Variants in HTR1E observed in about 807,000 individuals in gnomAD.
The protein encoded by HTR1E is 5-hydroxytryptamine receptor 1E.
In HTR1E, 3 loss-of-function variants were observed where a neutral mutation model predicts 3.4. The ratio of observed to expected loss-of-function variants is 0.89; its 90% CI spans 0.41 to 2.31. The LOEUF (loss-of-function observed/expected upper bound fraction) is 2.31, where lower values mean the gene tolerates loss of function less well. Among genes scored for constraint, HTR1E ranks in the 30% most tolerant of loss-of-function variants. The probability of loss-of-function intolerance (pLI) is 0.05; values close to 1 mark genes in which losing one functional copy is unlikely to be tolerated. For synonymous variants in HTR1E, 170 were observed against 182.8 expected (o/e 0.93, Z 0.56); for missense variants, 392 against 467.0 (o/e 0.84, Z 1.48).
intron 1 of HTR1E, among the ~76,000 whole-genome samples, chr6:86,994,968 C>G (rs544043953): frequency 6.6e-6 from 1 of 152,106 alleles, no homozygotes; most frequent in African/African-American, 2.4e-5. Flanking sequence ...TAAAAGAGCT[C>G]TACAAAGAGG....
chr6:87,001,361 T>C (rs902232781), intron 1 of HTR1E, among the ~76,000 whole-genome samples: 9 of 151,952 alleles, frequency 5.9e-5, no homozygotes, highest in Non-Finnish European at 1.0e-4. Flanking sequence ...TCAAAAGACA[T>C]AGAGTAGGTG....
chr6:87,013,730 G>A (rs914800560), intron 1 of HTR1E, among the ~76,000 whole-genome samples: 1 of 151,748 alleles, frequency 6.6e-6, no homozygotes, highest in Non-Finnish European at 1.5e-5. Context: ...GAAATTAATT[G>A]GGGTGGCAAA....
intron 1 of HTR1E, among the ~76,000 whole-genome samples, chr6:86,989,058 C>T (rs888879734): frequency 2.6e-5 from 4 of 152,124 alleles, no homozygotes; most frequent in African/African-American, 9.7e-5. Flanking sequence ...AATATAATTT[C>T]CCCCAAACTA....
intron 1 of HTR1E, among the ~76,000 whole-genome samples, chr6:86,975,121 G>A (rs1265550685): frequency 6.6e-6 from 1 of 152,156 alleles, no homozygotes; most frequent in Non-Finnish European, 1.5e-5. Flanking sequence ...TCATGGGAAT[G>A]TATGGAAGTG....
intron 1 of HTR1E, among the ~76,000 whole-genome samples, chr6:86,979,994 A>G (rs1767688481): frequency 6.6e-6 from 1 of 152,110 alleles, no homozygotes; most frequent in Non-Finnish European, 1.5e-5. Context: ...TCTCCCCATA[A>G]TCTGACCGCC....
In HTR1E at chr6:86,948,000, G is replaced by A. The variant is rs547779353; in HGVS notation, c.-186+10177G>A. 4.6e-5 allele frequency among the ~76,000 whole-genome samples: 7 copies of A among 152,170 alleles called. No homozygotes were observed. The East Asian group carries it at 7.7e-4, about 17-fold the overall frequency. ...CATCTAGGTTTTAAGCCCTGCATGC[G>A]TTAGGTATTTGTCCTAATGCTCACC... On this transcript the variant is annotated intron_variant, in intron 1 of 1. Coordinates refer to ENST00000305344, the MANE Select transcript of HTR1E (RefSeq NM_000865.3).
At chr6:86,991,193 C>G (rs1211352270) in intron 1 of HTR1E, among the ~76,000 whole-genome samples, 1 of 152,072 alleles carries the variant, frequency 6.6e-6, no homozygotes, top group African/African-American at 2.4e-5. Context: ...ATTAGAAAGT[C>G]ACAGACCAGA....
chr6:87,007,338 A>T (rs529900734), intron 1 of HTR1E, among the ~76,000 whole-genome samples: 5 of 152,294 alleles, frequency 3.3e-5, no homozygotes, highest in Admixed American at 2.0e-4. Context: ...GGGTAGTTGC[A>T]GGGGGTGGAG....
At chr6:86,963,419 TAA>T (rs1767434710) in intron 1 of HTR1E, among the ~76,000 whole-genome samples, 1 of 152,190 alleles carries the variant, frequency 6.6e-6, no homozygotes, top group African/African-American at 2.4e-5. Context: ...TACAATGAGC[TAA>T]GTTTAATTTA....
intron 1 of HTR1E, among the ~76,000 whole-genome samples, chr6:86,960,964 G>A (rs1345517871): frequency 3.3e-5 from 5 of 152,170 alleles, no homozygotes; most frequent in Non-Finnish European, 2.9e-5. Context: ...TAGTGTGTCT[G>A]AATACAGATT....
intron 1 of HTR1E, among the ~76,000 whole-genome samples, chr6:86,952,055 A>G (rs1019924373): frequency 8.5e-5 from 13 of 152,194 alleles, no homozygotes; most frequent in Non-Finnish European, 1.9e-4. Context: ...CTTAATCATG[A>G]AGGGAATTTG....
chr6:86,984,339 T>C (rs1767753369), intron 1 of HTR1E, among the ~76,000 whole-genome samples: 1 of 152,196 alleles, frequency 6.6e-6, no homozygotes, highest in African/African-American at 2.4e-5. Flanking sequence ...AATGAATACA[T>C]AGATTTAAAC....
chr6:87,011,077 G>C (rs1485057932), intron 1 of HTR1E, among the ~76,000 whole-genome samples: 2 of 152,194 alleles, frequency 1.3e-5, no homozygotes, highest in Admixed American at 1.3e-4. Context: ...ACTTTAGACA[G>C]CTTCAACTCC....
chr6:86,972,298 A>C lies in HTR1E; in HGVS notation c.-186+34475A>C, dbSNP rs75720882. ...CTTTATGCATTTTTTCATCCCTTACATTCTTAGCTATGCAGGGGTTAAAGG... is the reference window on the plus strand; with the variant it reads ...CTTTATGCATTTTTTCATCCCTTACCTTCTTAGCTATGCAGGGGTTAAAGG... On this transcript the variant is annotated intron_variant, in intron 1 of 1. Coordinates refer to ENST00000305344, the MANE Select transcript of HTR1E (RefSeq NM_000865.3). Among the ~76,000 whole-genome samples the C allele has an allele frequency of 3.8e-3, 585 of 152,244 alleles. 3 individuals carry two copies. The highest frequency in any genetic ancestry group is 0.013 in the African/African-American group (560 of 41,544).
chr6:87,015,839 C>T lies in HTR1E; in HGVS notation c.505C>T (p.Pro169Ser). 1 of 1,613,728 alleles carries T rather than the reference C, an allele frequency of 6.2e-7. No homozygotes were observed. Among genetic ancestry groups the T allele is most frequent in the Admixed American group, 1.7e-5 (1 of 60,000 alleles). ...FWRSHRRLSP[P>S]PSQCTIQHDH... Reference sequence around the variant, plus strand: ...GAGAAGCCACCGCCGCCTAAGCCCTCCCCCTAGTCAGTGCACCATCCAGCA... The same window carrying T: ...GAGAAGCCACCGCCGCCTAAGCCCTTCCCCTAGTCAGTGCACCATCCAGCA... Residue 169 changes from proline (P) to serine (S), a missense_variant, in exon 2 of 2, where the codon CCC becomes TCC. Pro to Ser is a moderately conservative substitution (Grantham distance 74). This residue lies in a region of HTR1E where 189 missense variants were observed against 258.0 expected (regional missense o/e 0.73). Transcript: ENST00000305344.
At chr6:86,972,165 A>G (rs1410050938) in intron 1 of HTR1E, among the ~76,000 whole-genome samples, 2 of 152,202 alleles carry the variant, frequency 1.3e-5, no homozygotes, top group Non-Finnish European at 2.9e-5. Flanking sequence ...GAATATTCTC[A>G]TGTTTCAATT....
At chr6:86,940,545 AAAG>A (rs1465436644) in intron 1 of HTR1E, among the ~76,000 whole-genome samples, 4 of 152,180 alleles carry the variant, frequency 2.6e-5, no homozygotes, top group African/African-American at 9.7e-5. Context: ...CAAAAAAAGA[AAAG>A]AAAAGAAAGA....
chr6:86,975,761 C>T lies in HTR1E; in HGVS notation c.-186+37938C>T, dbSNP rs534137048. 3.3e-5 allele frequency among the ~76,000 whole-genome samples: 5 copies of T among 152,220 alleles called. No individual in the cohort carries two copies. In the South Asian group the frequency reaches 1.0e-3, roughly 32 times the overall value. The stretch of plus-strand genomic sequence containing the variant: ...CCTTGGCCAAACCTTAATTTATTAG[C>T]ATACGTGAAACACACTCATGGAAAA... On this transcript the variant is annotated intron_variant, in intron 1 of 1. Coordinates refer to ENST00000305344, the MANE Select transcript of HTR1E (RefSeq NM_000865.3).
chr6:86,986,798 A>G (rs1767794900), intron 1 of HTR1E, among the ~76,000 whole-genome samples: 1 of 152,200 alleles, frequency 6.6e-6, no homozygotes, highest in South Asian at 2.1e-4. Context: ...CTTTGTTAAG[A>G]AATAGTGAAA....
Sources: gnomAD v4.1 joint callset for allele counts (sites outside exome capture counted in the v4.1 genomes callset) on GRCh38, gnomAD v4.1.1 for gene constraint, gnomAD v4.1.1 regional missense constraint, MANE v1.5 for transcripts, NCBI Gene and HGNC (gene_info 2026-07-23, HGNC 2026-07-21) for gene names.